The following ACOXL variants were observed in gnomAD, a reference collection of about 807,000 sequenced individuals.
ACOXL encodes acyl-CoA oxidase like.
A neutral mutation model predicts 71.9 loss-of-function variants in ACOXL; 70 were observed. That is an observed-to-expected ratio of 0.97 (90% CI 0.80 to 1.19). The LOEUF (loss-of-function observed/expected upper bound fraction) is 1.19, where lower values mean the gene tolerates loss of function less well. Ranked by LOEUF, ACOXL falls within the 50% of genes most tolerant of loss-of-function variation. The pLI is 0.00. For missense variants in ACOXL, 703 were observed against 736.3 expected (o/e 0.95, Z 0.52); for synonymous variants, 253 against 281.6 (o/e 0.90, Z 1.02).
At chr2:110,880,333 C>T (rs989427022) in intron 10 of ACOXL, among the ~76,000 whole-genome samples, 1 of 152,176 alleles carries the variant, frequency 6.6e-6, no homozygotes, top group African/African-American at 2.4e-5. Context: ...TTCTCACCTA[C>T]AATGCATTTA....
chr2:110,952,442 A>G lies in ACOXL; in HGVS notation c.1059+18800A>G, dbSNP rs76421529. On this transcript the variant is annotated intron_variant, in intron 12 of 17. Coordinates refer to ENST00000439055, the MANE Select transcript of ACOXL (RefSeq NM_001142807.4). The stretch of plus-strand genomic sequence containing the variant: ...CCTCTCCACTATATCTGATTTTTCT[A>G]TTTCATTGATTTTTATCTTTATTAC... 1.6e-3 allele frequency among the ~76,000 whole-genome samples: 240 copies of G among 151,992 alleles called. 2 individuals are homozygous for G. The highest frequency in any genetic ancestry group is 5.0e-3 in the African/African-American group (209 of 41,446).
intron 9 of ACOXL, among the ~76,000 whole-genome samples, chr2:110,821,810 A>G (rs1688634683): frequency 6.6e-6 from 1 of 152,134 alleles, no homozygotes; most frequent in African/African-American, 2.4e-5. Flanking sequence ...GTACTCATGG[A>G]TATTTAATTT....
chr2:110,884,898 A>G (rs1296558450), intron 10 of ACOXL, among the ~76,000 whole-genome samples: 2 of 152,138 alleles, frequency 1.3e-5, no homozygotes, highest in African/African-American at 4.8e-5. Flanking sequence ...AGATACAGCA[A>G]CAATTGAAAC....
At chr2:110,899,022 T>C (rs891018088) in intron 10 of ACOXL, among the ~76,000 whole-genome samples, 3 of 152,070 alleles carry the variant, frequency 2.0e-5, no homozygotes, top group African/African-American at 7.2e-5. Context: ...AGGTGAAAAT[T>C]TAATAAAAGC....
At chr2:110,905,151 C>T (rs1380663466) in intron 10 of ACOXL, among the ~76,000 whole-genome samples, 1 of 152,038 alleles carries the variant, frequency 6.6e-6, no homozygotes, top group African/African-American at 2.4e-5. Context: ...CAGGGCATTC[C>T]AGGGAAAAGC....
At chr2:111,072,701 C>G (rs908120245) in intron 16 of ACOXL, among the ~76,000 whole-genome samples, 2 of 152,278 alleles carry the variant, frequency 1.3e-5, no homozygotes, top group East Asian at 3.9e-4. Flanking sequence ...TTAGTTTATC[C>G]CTGGCCCCTA....
At chr2:110,913,929 T>TCC (rs1012374116) in intron 11 of ACOXL, among the ~76,000 whole-genome samples, 12 of 151,990 alleles carry the variant, frequency 7.9e-5, no homozygotes, top group African/African-American at 2.9e-4. Flanking sequence ...CCCAAATACC[T>TCC]CCCACCATGT....
At chr2:111,053,056 A>G (rs34121532) in intron 16 of ACOXL, among the ~76,000 whole-genome samples, 12,148 of 152,168 alleles carry the variant, frequency 0.08, 602 homozygotes, top group Non-Finnish European at 0.11. Context: ...TGTAACCTTG[A>G]GCAGGTCACT....
chr2:110,869,812 C>T (rs1695048900), intron 10 of ACOXL, among the ~76,000 whole-genome samples: 3 of 152,248 alleles, frequency 2.0e-5, no homozygotes, highest in Admixed American at 6.5e-5. Context: ...CCACAGAAGA[C>T]TCCTCCTCCA....
chr2:111,021,261 A>G (rs2064745348), intron 14 of ACOXL, among the ~76,000 whole-genome samples: 2 of 152,214 alleles, frequency 1.3e-5, no homozygotes, highest in Non-Finnish European at 2.9e-5. Context: ...AGACCAGACA[A>G]GAATCCTGCA....
At chr2:110,886,043 T>G (rs1403652243) in intron 10 of ACOXL, among the ~76,000 whole-genome samples, 1 of 152,248 alleles carries the variant, frequency 6.6e-6, no homozygotes, top group Non-Finnish European at 1.5e-5. Flanking sequence ...AAAATTATTT[T>G]GTCCAGAAGT....
intron 16 of ACOXL, among the ~76,000 whole-genome samples, chr2:111,059,768 GAA>G (rs11385062): frequency 1.5e-5 from 2 of 134,698 alleles, no homozygotes. Context: ...GCACACAAAG[GAA>G]AAAAAAAAAA....
intron 3 of ACOXL, among the ~76,000 whole-genome samples, chr2:110,788,907 G>C (rs1264446932): frequency 6.6e-6 from 1 of 152,222 alleles, no homozygotes; most frequent in Non-Finnish European, 1.5e-5. Context: ...GGGTTCCCCA[G>C]ATCCCCCTGC....
chr2:110,753,723 G>A (rs1031615717), intron 1 of ACOXL, among the ~76,000 whole-genome samples: 1 of 152,058 alleles, frequency 6.6e-6, no homozygotes, highest in Non-Finnish European at 1.5e-5. Flanking sequence ...TATTTCTCTT[G>A]GATAAATACC....
At chr2:110,869,794 C>T (rs1462903606) in intron 10 of ACOXL, among the ~76,000 whole-genome samples, 1 of 152,232 alleles carries the variant, frequency 6.6e-6, no homozygotes, top group Non-Finnish European at 1.5e-5. Context: ...CCCTTGCCGT[C>T]CTCCTGGCCA....
intron 15 of ACOXL, among the ~76,000 whole-genome samples, chr2:111,034,451 C>G (rs991837690): frequency 1.3e-5 from 2 of 152,140 alleles, no homozygotes; most frequent in Non-Finnish European, 2.9e-5. Flanking sequence ...TTGATGATGG[C>G]ACAGTACAAA....
chr2:110,876,235 C>T (rs778386971), intron 10 of ACOXL, among the ~76,000 whole-genome samples: 9 of 152,198 alleles, frequency 5.9e-5, no homozygotes, highest in Non-Finnish European at 1.2e-4. Flanking sequence ...TCCAGCGTGG[C>T]AGGTTTTTTC....
intron 9 of ACOXL, among the ~76,000 whole-genome samples, chr2:110,828,872 C>A (rs1398820233): frequency 6.6e-6 from 1 of 151,796 alleles, no homozygotes; most frequent in Non-Finnish European, 1.5e-5. Context: ...AGTGCAATGG[C>A]GCAATCTTGG....
At chr2:110,764,747 G>C (rs1680833826) in intron 1 of ACOXL, among the ~76,000 whole-genome samples, 1 of 152,170 alleles carries the variant, frequency 6.6e-6, no homozygotes, top group Admixed American at 6.5e-5. Flanking sequence ...ACATGTGGGG[G>C]CAGGAACTAT....
Sources: allele counts gnomAD v4.1 joint callset (sites outside exome capture counted in the v4.1 genomes callset), GRCh38; gene constraint gnomAD v4.1.1; transcripts MANE v1.5; gene names NCBI Gene and HGNC (gene_info 2026-07-23, HGNC 2026-07-21).